The following SYNDIG1 variants were observed in gnomAD, a reference collection of about 807,000 sequenced individuals.
SYNDIG1 encodes the protein synapse differentiation inducing 1.
A neutral mutation model predicts 19.4 loss-of-function variants in SYNDIG1; 9 were observed. That is an observed-to-expected ratio of 0.46 (90% CI 0.28 to 0.81). SYNDIG1 has a LOEUF of 0.81. SYNDIG1 is among the 30% of genes least tolerant of loss of function. The pLI is 0.12. For missense variants in SYNDIG1, 311 were observed against 343.3 expected (o/e 0.91, Z 0.74); for synonymous variants, 141 against 145.9 (o/e 0.97, Z 0.24).
intron 3 of SYNDIG1, among the ~76,000 whole-genome samples, chr20:24,661,513 A>AAGAG (rs1250171283): frequency 3.1e-3 from 33 of 10,490 alleles, no homozygotes; most frequent in South Asian, 3.6e-3. Flanking sequence ...AGAGGGAGGA[A>AAGAG]GGAGGGAGGG....
At position 24,611,915 on chromosome 20, in the gene SYNDIG1, G is replaced by T. The variant is rs188590256; in HGVS notation, c.618+26922G>T. 1.5e-3 allele frequency among the ~76,000 whole-genome samples: 234 copies of T among 152,300 alleles called. 2 individuals carry two copies. Among genetic ancestry groups the T allele is most frequent in the Non-Finnish European group, 2.5e-4 (17 of 68,028 alleles). ...CAGGTGTTCTAAAATAAAATACAGG[G>T]AACACCAAACCCTGCACTGCTTCCT... On this transcript the variant is annotated intron_variant, in intron 3 of 3. Transcript: ENST00000376862.
At chr20:24,492,951 A>G (rs1486559397) in intron 1 of SYNDIG1, among the ~76,000 whole-genome samples, 2 of 152,268 alleles carry the variant, frequency 1.3e-5, no homozygotes, top group Non-Finnish European at 2.9e-5. Context: ...ATTGGTGGTG[A>G]TGATCCTGTT....
Position 24,560,263 on chromosome 20 carries a change from G to A in SYNDIG1, c.480+16686G>A, listed in dbSNP as rs1004115739. ...TTTGTATTTTTTTAGTAGAGACAGG[G>A]TTCCACTATGTTGGCCAGGCTGGAC... On this transcript the variant is annotated intron_variant, in intron 2 of 3. Transcript: ENST00000376862. 3.3e-5 allele frequency among the ~76,000 whole-genome samples: 5 copies of A among 151,084 alleles called. No homozygotes were observed. In the South Asian group the frequency reaches 1.1e-3, roughly 32 times the overall value.
At chr20:24,514,073 C>T (rs1323670624) in intron 1 of SYNDIG1, among the ~76,000 whole-genome samples, 1 of 152,146 alleles carries the variant, frequency 6.6e-6, no homozygotes, top group Non-Finnish European at 1.5e-5. Flanking sequence ...GAAGCAAATG[C>T]TGAGAGATTT....
chr20:24,634,763 A>G (rs2059298581), intron 3 of SYNDIG1, among the ~76,000 whole-genome samples: 1 of 152,146 alleles, frequency 6.6e-6, no homozygotes, highest in South Asian at 2.1e-4. Flanking sequence ...TCTGCTGTTC[A>G]TGAGCTTTAC....
chr20:24,627,140 A>C (rs993050423), intron 3 of SYNDIG1, among the ~76,000 whole-genome samples: 3 of 150,548 alleles, frequency 2.0e-5, no homozygotes, highest in Non-Finnish European at 4.4e-5. Context: ...AGGGAGAGGG[A>C]GAGGGAGAGG....
At chr20:24,531,587 A>G (rs560766463) in intron 1 of SYNDIG1, among the ~76,000 whole-genome samples, 1 of 152,096 alleles carries the variant, frequency 6.6e-6, no homozygotes, top group South Asian at 2.1e-4. Context: ...TTTCTAGCCA[A>G]TTCCTCAGAG....
At chr20:24,512,399 G>GAGGTGA (rs1161466447) in intron 1 of SYNDIG1, among the ~76,000 whole-genome samples, 3 of 151,808 alleles carry the variant, frequency 2.0e-5, no homozygotes, top group African/African-American at 7.3e-5. Flanking sequence ...GCCAAAGGAA[G>GAGGTGA]AGGTGATAGA....
rs767054618 is a variant in SYNDIG1, at chr20:24,665,336, A to C, written c.619-10A>C. 6.3e-7 allele frequency: 1 copy of C among 1,589,580 alleles called. No individual in the cohort carries two copies. The highest frequency in any genetic ancestry group is 8.5e-7 in the Non-Finnish European group (1 of 1,170,586). ...TACAATGACTTCCTTTTTCTTCTCC[A>C]ACTCTGCAGACCAACAAAGCCGTGG... is the stretch of plus-strand genomic sequence containing the variant. On this transcript the variant is annotated splice_polypyrimidine_tract_variant and intron_variant, in intron 3 of 3. Transcript: ENST00000376862.
chr20:24,623,789 G>T (rs573086936), intron 3 of SYNDIG1, among the ~76,000 whole-genome samples: 1 of 152,200 alleles, frequency 6.6e-6, no homozygotes, highest in South Asian at 2.1e-4. Context: ...AGTCAGTAGA[G>T]GAGATTAAAT....
At chr20:24,643,408 G>C (rs1009474814) in intron 3 of SYNDIG1, among the ~76,000 whole-genome samples, 3 of 150,702 alleles carry the variant, frequency 2.0e-5, no homozygotes, top group Non-Finnish European at 4.4e-5. Flanking sequence ...CTAGAGTGCC[G>C]TGTTCATGAG....
intron 1 of SYNDIG1, among the ~76,000 whole-genome samples, chr20:24,488,815 C>T (rs1416882105): frequency 6.6e-6 from 1 of 152,218 alleles, no homozygotes. Flanking sequence ...AACACCTCTC[C>T]AGTATCTGCT....
chr20:24,611,745 G>A (rs539309424), intron 3 of SYNDIG1, among the ~76,000 whole-genome samples: 1 of 152,316 alleles, frequency 6.6e-6, no homozygotes, highest in South Asian at 2.1e-4. Flanking sequence ...CCTTCCTTAT[G>A]CAGCATGGCT....
chr20:24,503,097 C>T (rs1359584451), intron 1 of SYNDIG1, among the ~76,000 whole-genome samples: 2 of 152,144 alleles, frequency 1.3e-5, no homozygotes, highest in Admixed American at 1.3e-4. Flanking sequence ...GCTTTGTGGT[C>T]TTCAGCTGAG....
intron 1 of SYNDIG1, among the ~76,000 whole-genome samples, chr20:24,508,692 A>G (rs1214254201): frequency 6.6e-6 from 1 of 152,214 alleles, no homozygotes; most frequent in Non-Finnish European, 1.5e-5. Context: ...AAAAATAAAA[A>G]CCAAATGAGC....
At chr20:24,609,521 G>A (rs1229942161) in intron 3 of SYNDIG1, among the ~76,000 whole-genome samples, 1 of 152,214 alleles carries the variant, frequency 6.6e-6, no homozygotes, top group African/African-American at 2.4e-5. Context: ...CAGGAGCAGA[G>A]GATGATGAGT....
At chr20:24,582,187 C>G (rs974423774) in intron 2 of SYNDIG1, among the ~76,000 whole-genome samples, 1 of 144,248 alleles carries the variant, frequency 6.9e-6, no homozygotes, top group Non-Finnish European at 1.5e-5. Flanking sequence ...AAGTCCTCCC[C>G]GCTGCACATC....
At chr20:24,512,583 G>A (rs995352006) in intron 1 of SYNDIG1, among the ~76,000 whole-genome samples, 3 of 152,150 alleles carry the variant, frequency 2.0e-5, no homozygotes, top group African/African-American at 7.2e-5. Flanking sequence ...GCAGCAGCGA[G>A]GCTGGGGGAG....
chr20:24,594,221 A>T (rs535280586), intron 3 of SYNDIG1, among the ~76,000 whole-genome samples: 7 of 152,192 alleles, frequency 4.6e-5, no homozygotes, highest in Non-Finnish European at 1.0e-4. Flanking sequence ...CAGTGTGAGG[A>T]AGGGATACAG....
Sources: allele counts gnomAD v4.1 joint callset (sites outside exome capture counted in the v4.1 genomes callset), GRCh38; gene constraint gnomAD v4.1.1; transcripts MANE v1.5; gene names NCBI Gene and HGNC (gene_info 2026-07-23, HGNC 2026-07-21).